Variants in USP48 observed in about 807,000 individuals in gnomAD.
The protein encoded by USP48 is ubiquitin specific peptidase 48.
In USP48, 43 loss-of-function variants were observed where a neutral mutation model predicts 150.7. That is an observed-to-expected ratio of 0.29 (90% CI 0.22 to 0.37). The LOEUF (loss-of-function observed/expected upper bound fraction) is 0.37, where lower values mean the gene tolerates loss of function less well. Ranked by LOEUF, USP48 falls within the 10% of genes least tolerant of loss-of-function variation. USP48 has a pLI of 1.00. For missense variants in USP48, 813 were observed against 1,249.6 expected (o/e 0.65, Z 5.27); for synonymous variants, 396 against 425.9 (o/e 0.93, Z 0.86).
At chr1:21,750,474 A>T (rs994352436) in intron 6 of USP48, among the ~76,000 whole-genome samples, 6 of 151,992 alleles carry the variant, frequency 3.9e-5, no homozygotes, top group Admixed American at 2.0e-4. Context: ...ATATATTCGC[A>T]CTTTATTTTA....
chr1:21,705,166 C>T (rs2097668639), intron 19 of USP48, among the ~76,000 whole-genome samples: 1 of 152,240 alleles, frequency 6.6e-6, no homozygotes, highest in Non-Finnish European at 1.5e-5. Context: ...TTCCAATTTC[C>T]TTTTCCTGAT....
intron 22 of USP48, among the ~76,000 whole-genome samples, chr1:21,696,515 C>G (rs922883313): frequency 6.6e-5 from 10 of 152,194 alleles, no homozygotes; most frequent in African/African-American, 2.4e-4. Context: ...TAAAGTGATA[C>G]AAACAACACA....
At chr1:21,681,165 C>A (rs1238246657) in intron 25 of USP48, 3 of 194,906 alleles carry the variant, frequency 1.5e-5, no homozygotes, top group African/African-American at 4.7e-5. Flanking sequence ...CCCCTTCCTC[C>A]TCCCATTCCC....
rs757632072 is a variant in USP48 at position 21,736,434 on chromosome 1, T to G, written c.1171+12A>C. 1.3e-6 allele frequency: 2 copies of G among 1,589,646 alleles called. No homozygotes were observed. The highest frequency in any genetic ancestry group is 1.4e-5 in the African/African-American group (1 of 73,174). ...ATATTTTAAAAGGGCACTCACAACT[T>G]AAAGGTTTTACCTAGATCTTCCTCA... On this transcript the variant is annotated intron_variant, in intron 9 of 26. Transcript: ENST00000308271.
chr1:21,678,781 T>G lies in USP48; in HGVS notation c.*636A>C, dbSNP rs1278699251. 6.5e-6 allele frequency: 1 copy of G among 153,180 alleles called. No homozygotes were observed. Among genetic ancestry groups the G allele is most frequent in the African/African-American group, 2.4e-5 (1 of 41,456 alleles). The allele number at this position is 153,180 out of a possible 1,614,324, so 9.5% of individuals were successfully genotyped here. A position where few individuals can be genotyped will look rare whatever the true frequency, so the allele number is the denominator to read the frequency against. On this transcript the variant is annotated 3_prime_UTR_variant, in exon 27 of 27. Coordinates refer to ENST00000308271, the MANE Select transcript of USP48 (RefSeq NM_032236.8). ...AATTCCTTGCTCATTGCAGGAGACA[T>G]GCAGGTGCCCCCTCCTTTACCCAAT... is the stretch of plus-strand genomic sequence containing the variant.
chr1:21,743,244 G>A (rs968009334), intron 8 of USP48, among the ~76,000 whole-genome samples: 2 of 152,156 alleles, frequency 1.3e-5, no homozygotes, highest in African/African-American at 2.4e-5. Context: ...CTAGAAATGC[G>A]TCATCCTCCA....
chr1:21,739,111 G>T (rs1217363000), intron 8 of USP48, among the ~76,000 whole-genome samples: 2 of 152,150 alleles, frequency 1.3e-5, no homozygotes, highest in African/African-American at 4.8e-5. Context: ...TGATCGACTT[G>T]AACTCTGTTT....
At chr1:21,751,223 G>A (rs1406727980) in intron 6 of USP48, among the ~76,000 whole-genome samples, 1 of 152,168 alleles carries the variant, frequency 6.6e-6, no homozygotes. Flanking sequence ...TGATAACTCA[G>A]CATAGAGTTC....
Position 21,702,346 on chromosome 1 carries a change from AT to A in USP48, c.2623-745del, listed in dbSNP as rs547912024. Among the ~76,000 whole-genome samples, 509 of 152,226 alleles carry A rather than the reference AT, an allele frequency of 3.3e-3. 3 individuals carry two copies. Among genetic ancestry groups the A allele is most frequent in the Non-Finnish European group, 4.4e-3 (297 of 68,012 alleles). ...TCCCAGAAAGCATGGAATTAAATAA[AT>A]TAATAAGATATCTAGAGATATGGGT... On this transcript the variant is annotated intron_variant, in intron 21 of 26. Transcript: ENST00000308271.
chr1:21,683,620 C>T (rs1471404104), intron 25 of USP48, among the ~76,000 whole-genome samples: 1 of 152,186 alleles, frequency 6.6e-6, no homozygotes, highest in Non-Finnish European at 1.5e-5. Context: ...CTCTTGGGTT[C>T]AAGTGATCCA....
chr1:21,697,386 A>C (rs2930010), intron 22 of USP48, among the ~76,000 whole-genome samples: 2 of 151,724 alleles, frequency 1.3e-5, no homozygotes, highest in African/African-American at 4.8e-5. Context: ...AGGTCAGGCC[A>C]GGCGTGGTGG....
chr1:21,716,742 A>T (rs1300228878), intron 14 of USP48, among the ~76,000 whole-genome samples: 1 of 152,158 alleles, frequency 6.6e-6, no homozygotes, highest in African/African-American at 2.4e-5. Flanking sequence ...ATCATTATCC[A>T]TGGGGGCCAG....
chr1:21,775,794 G>A (rs1390904046), intron 1 of USP48, among the ~76,000 whole-genome samples: 2 of 152,128 alleles, frequency 1.3e-5, no homozygotes, highest in Non-Finnish European at 1.5e-5. Flanking sequence ...TGTAATCCCA[G>A]CTATTCAGGA....
intron 24 of USP48, among the ~76,000 whole-genome samples, chr1:21,689,353 G>C (rs1281884903): frequency 6.7e-6 from 1 of 149,818 alleles, no homozygotes; most frequent in Admixed American, 6.6e-5. Flanking sequence ...GGAGGGCATT[G>C]GGGAGGGGAC....
At chr1:21,759,745 G>T (rs1479081535) in intron 1 of USP48, among the ~76,000 whole-genome samples, 1 of 152,186 alleles carries the variant, frequency 6.6e-6, no homozygotes, top group African/African-American at 2.4e-5. Flanking sequence ...TGGTGAGATG[G>T]ATGGAAGAAA....
At chr1:21,739,714 T>C (rs1395094449) in intron 8 of USP48, among the ~76,000 whole-genome samples, 1 of 152,172 alleles carries the variant, frequency 6.6e-6, no homozygotes, top group Non-Finnish European at 1.5e-5. Flanking sequence ...GCAGTCACCA[T>C]GCTATGCAAT....
chr1:21,695,263 C>T, intron 22 of USP48, 42 bp from the exon 23 acceptor site: 1 of 1,552,622 alleles, frequency 6.4e-7, no homozygotes, highest in Non-Finnish European at 8.7e-7. Flanking sequence ...TGAAATTAAC[C>T]ACAATGTGAC....
chr1:21,680,069 A>G (rs2097561657), intron 26 of USP48, among the ~76,000 whole-genome samples: 1 of 152,218 alleles, frequency 6.6e-6, no homozygotes, highest in Admixed American at 6.5e-5. Flanking sequence ...GGTAGCATGC[A>G]GACAACACAG....
At chr1:21,697,437 G>A (rs1193935523) in intron 22 of USP48, among the ~76,000 whole-genome samples, 1 of 152,166 alleles carries the variant, frequency 6.6e-6, no homozygotes, top group Non-Finnish European at 1.5e-5. Flanking sequence ...GCCAAGGTGG[G>A]CGGATCACAA....
Sources: gnomAD v4.1 joint callset for allele counts (sites outside exome capture counted in the v4.1 genomes callset) on GRCh38, gnomAD v4.1.1 for gene constraint, MANE v1.5 for transcripts, NCBI Gene and HGNC (gene_info 2026-07-23, HGNC 2026-07-21) for gene names.